The following ATP9B variants were observed in gnomAD, a reference collection of about 807,000 sequenced individuals.
ATP9B encodes ATPase phospholipid transporting 9B.
In ATP9B, 110 loss-of-function variants were observed where a neutral mutation model predicts 146.1. The ratio of observed to expected loss-of-function variants is 0.75; its 90% CI spans 0.65 to 0.88. ATP9B has a LOEUF of 0.88. ATP9B is among the 40% of genes least tolerant of loss of function. ATP9B has a pLI of 0.00. For synonymous variants in ATP9B, 604 were observed against 569.7 expected, an observed-to-expected ratio of 1.06 and a Z score of -0.86; for missense variants, 1,499 against 1,496.4, an observed-to-expected ratio of 1.00 and a Z score of -0.03.
chr18:79,333,963 C>G (rs868651040), intron 17 of ATP9B, among the ~76,000 whole-genome samples: 1 of 152,208 alleles, frequency 6.6e-6, no homozygotes, highest in Non-Finnish European at 1.5e-5. Context: ...GATGGAGAGT[C>G]TTAAGCAGCG....
Position 79,307,000 on chromosome 18 carries a change from T to G in ATP9B, c.1539T>G (p.Ala513=), listed in dbSNP as rs3760541. The stretch of plus-strand genomic sequence containing the variant: ...ATATTCTAAAGATGCAGTCTCAAGC[T>G]GGTGGAAACAATACTGGTTCAACTC... ...RDSYSQMQSQ[A]GGNNTGSTPL... is the part of the protein sequence containing the mutation. The change falls in exon 15 of 30, where the codon GCT becomes GCG. Residue 513 remains alanine, a synonymous_variant. Transcript: ENST00000426216. The G allele has an allele frequency of 0.43, 696,831 of 1,613,026 alleles. 151,997 individuals are homozygous for G. The highest frequency in any genetic ancestry group is 0.52 in the Middle Eastern group (3,129 of 6,062).
At chr18:79,304,058 A>G (rs1221850050) in intron 14 of ATP9B, among the ~76,000 whole-genome samples, 1 of 152,108 alleles carries the variant, frequency 6.6e-6, no homozygotes, top group African/African-American at 2.4e-5. Flanking sequence ...GTTTTTCTCT[A>G]TAATAAAATG....
intron 12 of ATP9B, among the ~76,000 whole-genome samples, chr18:79,261,441 A>C (rs2096140499): frequency 6.6e-6 from 1 of 152,134 alleles, no homozygotes; most frequent in South Asian, 2.1e-4. Context: ...GGTGAGGTGA[A>C]GACAGTGGCA....
intron 13 of ATP9B, among the ~76,000 whole-genome samples, chr18:79,302,675 T>C (rs2096598829): frequency 1.3e-5 from 2 of 152,110 alleles, no homozygotes; most frequent in African/African-American, 4.8e-5. Context: ...CTGTGGTACT[T>C]GAGGAGCAGG....
intron 9 of ATP9B, among the ~76,000 whole-genome samples, chr18:79,203,458 A>G (rs1040274850): frequency 1.3e-5 from 2 of 152,202 alleles, no homozygotes; most frequent in African/African-American, 4.8e-5. Flanking sequence ...CAGGCAGGTG[A>G]CTCATTATAG....
chr18:79,210,185 A>G (rs1286706818), intron 10 of ATP9B, among the ~76,000 whole-genome samples: 1 of 152,204 alleles, frequency 6.6e-6, no homozygotes, highest in Non-Finnish European at 1.5e-5. Flanking sequence ...CTTGCTCTCT[A>G]AAATGCAGAA....
intron 15 of ATP9B, among the ~76,000 whole-genome samples, chr18:79,311,714 G>A (rs1373753722): frequency 6.6e-6 from 1 of 152,140 alleles, no homozygotes; most frequent in Non-Finnish European, 1.5e-5. Context: ...ATGGGAAGTT[G>A]AGAACATGGA....
At chr18:79,089,374 T>G (rs773323931) in intron 1 of ATP9B, among the ~76,000 whole-genome samples, 4 of 152,220 alleles carry the variant, frequency 2.6e-5, no homozygotes, top group Middle Eastern at 3.2e-3. Flanking sequence ...TGGCCTGCAC[T>G]GTGTCCCTTG....
chr18:79,297,448 G>A (rs939975363), intron 13 of ATP9B, among the ~76,000 whole-genome samples: 2 of 152,242 alleles, frequency 1.3e-5, no homozygotes, highest in Non-Finnish European at 2.9e-5. Flanking sequence ...GACGCGGCCC[G>A]CCGTTCTCAT....
At chr18:79,136,943 A>G (rs894347343) in intron 5 of ATP9B, among the ~76,000 whole-genome samples, 1 of 152,110 alleles carries the variant, frequency 6.6e-6, no homozygotes, top group South Asian at 2.1e-4. Flanking sequence ...ATTAGAACGC[A>G]CTCACTATCA....
chr18:79,333,516 C>G (rs1215774523), intron 17 of ATP9B, among the ~76,000 whole-genome samples: 1 of 152,238 alleles, frequency 6.6e-6, no homozygotes, highest in Admixed American at 6.5e-5. Context: ...TCAATGTTCA[C>G]ATTTTTAAAG....
intron 1 of ATP9B, among the ~76,000 whole-genome samples, chr18:79,086,756 A>G (rs1276932326): frequency 1.3e-5 from 2 of 152,168 alleles, no homozygotes; most frequent in Non-Finnish European, 2.9e-5. Context: ...TTTCTTGTAG[A>G]ACATTTTAGA....
Position 79,307,045 on chromosome 18 carries a change from T to A in ATP9B, c.1584T>A (p.Ser528=). 1.9e-6 allele frequency: 3 copies of A among 1,614,238 alleles called. No individual in the cohort carries two copies. Among genetic ancestry groups the A allele is most frequent in the Non-Finnish European group, 2.5e-6 (3 of 1,180,042 alleles). ...CAACTCCACTAAGAAAAGCCCAATC[T>A]TCAGCTCCCAAAGTTAGGAAAAGTG... ...TGSTPLRKAQ[S]SAPKVRKSVS... The change falls in exon 15 of 30, where the codon TCT becomes TCA. Residue 528 remains serine (S), a synonymous_variant. Transcript: ENST00000426216.
At chr18:79,326,946 G>A (rs2096750835) in intron 15 of ATP9B, among the ~76,000 whole-genome samples, 1 of 152,180 alleles carries the variant, frequency 6.6e-6, no homozygotes, top group Non-Finnish European at 1.5e-5. Flanking sequence ...TCTGAGTGGT[G>A]CCTCGGCACG....
At chr18:79,288,819 A>C (rs1226601328) in intron 13 of ATP9B, among the ~76,000 whole-genome samples, 9 of 152,124 alleles carry the variant, frequency 5.9e-5, no homozygotes, top group Non-Finnish European at 7.4e-5. Flanking sequence ...GGTGGTGACA[A>C]AATCTCTCAG....
At chr18:79,354,757 C>T (rs553190396) in intron 25 of ATP9B, among the ~76,000 whole-genome samples, 2 of 152,136 alleles carry the variant, frequency 1.3e-5, no homozygotes, top group Admixed American at 6.5e-5. Context: ...AGGAGCTCCC[C>T]GGGTTTTCCA....
At chr18:79,084,355 C>T (rs2073600619) in intron 1 of ATP9B, among the ~76,000 whole-genome samples, 1 of 152,026 alleles carries the variant, frequency 6.6e-6, no homozygotes, top group Admixed American at 6.5e-5. Flanking sequence ...AGAGTTTTTT[C>T]ACTGTGGTAA....
At chr18:79,093,325 C>A (rs516848) in intron 1 of ATP9B, among the ~76,000 whole-genome samples, 1 of 151,906 alleles carries the variant, frequency 6.6e-6, no homozygotes, top group Non-Finnish European at 1.5e-5. Flanking sequence ...TAGACTTCTG[C>A]TTTCACAGTT....
intron 12 of ATP9B, among the ~76,000 whole-genome samples, chr18:79,260,956 A>C (rs1243750482): frequency 6.6e-6 from 1 of 152,172 alleles, no homozygotes; most frequent in East Asian, 1.9e-4. Context: ...TCCTTGTCCC[A>C]CCACTGTATT....
Sources: allele counts gnomAD v4.1 joint callset (sites outside exome capture counted in the v4.1 genomes callset), GRCh38; gene constraint gnomAD v4.1.1; transcripts MANE v1.5; gene names NCBI Gene and HGNC (gene_info 2026-07-23, HGNC 2026-07-21).